KAZN: variants seen among roughly 807,000 people sequenced by gnomAD.
KAZN encodes kazrin.
KAZN carries 40 observed loss-of-function variants against 87.4 expected under a neutral mutation model. That is an observed-to-expected ratio of 0.46 (90% CI 0.36 to 0.60). The LOEUF (loss-of-function observed/expected upper bound fraction) is 0.60. KAZN is among the 20% of genes least tolerant of loss of function. The pLI is 0.00. For synonymous variants in KAZN, 466 were observed against 458.3 expected (o/e 1.02, Z -0.22); for missense variants, 898 against 1,073.9 (o/e 0.84, Z 2.29).
intron 1 of KAZN, among the ~76,000 whole-genome samples, chr1:14,873,772 G>T (rs1251164954): frequency 6.6e-6 from 1 of 152,200 alleles, no homozygotes; most frequent in Non-Finnish European, 1.5e-5. Flanking sequence ...CAATCATCTA[G>T]GCATGAGTTT....
chr1:14,782,547 CAA>C (rs1276002192), intron 1 of KAZN, among the ~76,000 whole-genome samples: 5 of 64,608 alleles, frequency 7.7e-5, no homozygotes, highest in Non-Finnish European at 1.4e-4. Context: ...GACTCCACCT[CAA>C]AGAGCAAAAA....
intron 1 of KAZN, among the ~76,000 whole-genome samples, chr1:14,799,032 C>T (rs1645923401): frequency 6.6e-6 from 1 of 152,238 alleles, no homozygotes; most frequent in African/African-American, 2.4e-5. Flanking sequence ...CTGCCTCAGC[C>T]TCCCAAAGTG....
At chr1:14,078,697 G>GTTTTTTTTTTTTTTTTTTTTTTTTT (rs1473978985) in intron 1 of KAZN, among the ~76,000 whole-genome samples, 1 of 151,900 alleles carries the variant, frequency 6.6e-6, no homozygotes, top group Non-Finnish European at 1.5e-5. Flanking sequence ...CTTTTTTGTT[G>GTTTTTTTTTTTTTTTTTTTTTTTTT]TTTTTTTGAG....
At chr1:14,043,160 G>A (rs752467109) in intron 1 of KAZN, among the ~76,000 whole-genome samples, 10 of 152,198 alleles carry the variant, frequency 6.6e-5, no homozygotes, top group Admixed American at 2.0e-4. Context: ...ATGTGGAATC[G>A]TACTATATCT....
intron 1 of KAZN, among the ~76,000 whole-genome samples, chr1:14,861,609 C>G (rs1028339208): frequency 6.6e-6 from 1 of 152,148 alleles, no homozygotes; most frequent in Admixed American, 6.5e-5. Context: ...GGAATTACCC[C>G]TCCCCACCCT....
chr1:14,068,325 A>G (rs769342934), intron 1 of KAZN, among the ~76,000 whole-genome samples: 30 of 152,204 alleles, frequency 2.0e-4, no homozygotes, highest in Non-Finnish European at 1.5e-4. Context: ...TTTAAATGTT[A>G]TTGATGCTTG....
At chr1:13,915,661 C>A (rs1639825049) in intron 1 of KAZN, among the ~76,000 whole-genome samples, 2 of 152,196 alleles carry the variant, frequency 1.3e-5, no homozygotes, top group South Asian at 4.1e-4. Flanking sequence ...ATCTGGTGAC[C>A]ATTCCAGATG....
chr1:14,843,321 G>A (rs1344329560), intron 1 of KAZN, among the ~76,000 whole-genome samples: 3 of 152,176 alleles, frequency 2.0e-5, no homozygotes, highest in Admixed American at 2.0e-4. Context: ...CTGGATGGGT[G>A]GTAGGAGAAG....
chr1:15,111,271 T>TTGTTGTTG (rs55891519), intron 13 of KAZN, among the ~76,000 whole-genome samples: 33,689 of 147,430 alleles, frequency 0.23, 4,070 homozygotes, highest in Admixed American at 0.32. Flanking sequence ...GTTGTTGTTG[T>TTGTTGTTG]TTGTTGTTGT....
intron 1 of KAZN, among the ~76,000 whole-genome samples, chr1:14,075,723 C>A (rs1643426734): frequency 6.6e-6 from 1 of 152,160 alleles, no homozygotes; most frequent in Non-Finnish European, 1.5e-5. Flanking sequence ...AGACAGTCTG[C>A]ACCAGGGAGA....
rs74058883 is a variant in KAZN at position 14,773,304 on chromosome 1, C to T, written c.226+174081C>T. Among the ~76,000 whole-genome samples the T allele has an allele frequency of 0.042, 6,377 of 152,098 alleles. 391 individuals are homozygous for T. The highest frequency in any genetic ancestry group is 0.13 in the African/African-American group (5,542 of 41,472). Reference sequence around the variant, plus strand: ...ACTGTGGCACACAGTGGTGGCCTGGCGTATGAGAAGACCACCCCCCACCCA... The same window carrying T: ...ACTGTGGCACACAGTGGTGGCCTGGTGTATGAGAAGACCACCCCCCACCCA... On this transcript the variant is annotated intron_variant, in intron 1 of 14. Coordinates refer to ENST00000376030, the MANE Select transcript of KAZN (RefSeq NM_201628.3). This position sits in a 1 kb window ranked among gnomAD's most constrained non-coding sequence, Gnocchi z 5.9.
intron 1 of KAZN, among the ~76,000 whole-genome samples, chr1:14,789,116 TC>T (rs1177576164): frequency 1.3e-5 from 2 of 152,176 alleles, no homozygotes; most frequent in African/African-American, 4.8e-5. Context: ...ATTCGTTCAT[TC>T]CCTCATTTGA....
chr1:13,936,850 T>C (rs1490704141), intron 1 of KAZN, among the ~76,000 whole-genome samples: 1 of 152,164 alleles, frequency 6.6e-6, no homozygotes, highest in Non-Finnish European at 1.5e-5. Flanking sequence ...GCAATTTCTT[T>C]TCCTTTGGGT....
intron 2 of KAZN, among the ~76,000 whole-genome samples, chr1:14,548,466 T>TCCAAAAA (rs1673310462): frequency 6.6e-6 from 1 of 152,184 alleles, no homozygotes; most frequent in Non-Finnish European, 1.5e-5. Context: ...CCAAAAGTGC[T>TCCAAAAA]GCGATTACAG....
intron 2 of KAZN, among the ~76,000 whole-genome samples, chr1:14,365,651 C>T (rs896902352): frequency 2.1e-4 from 32 of 152,064 alleles, no homozygotes; most frequent in Non-Finnish European, 4.0e-4. Context: ...TAGCAGCGTC[C>T]CCAGCCTCTA....
intron 2 of KAZN, among the ~76,000 whole-genome samples, chr1:14,989,706 T>C (rs1398219747): frequency 6.6e-6 from 1 of 152,110 alleles, no homozygotes; most frequent in Non-Finnish European, 1.5e-5. Context: ...TGGGATTGAC[T>C]AAGATCATAT....
chr1:14,917,848 T>TCC (rs1381517780), intron 1 of KAZN, among the ~76,000 whole-genome samples: 284 of 120,094 alleles, frequency 2.4e-3, no homozygotes, highest in Non-Finnish European at 3.5e-3. Flanking sequence ...ACTTCTTTCT[T>TCC]TCTTCCTTCC....
Position 14,251,837 on chromosome 1 carries a change from C to T in KAZN, c.249+71245C>T, listed in dbSNP as rs189151262. On this transcript the variant is annotated intron_variant, in intron 2 of 16. Coordinates refer to the KAZN transcript ENST00000636203. ...CTAATTTTTGTATTTTTTGTAGAGA[C>T]GGGGTCTCACTATGTTGCCCAGGCT... 5.3e-5 allele frequency among the ~76,000 whole-genome samples: 8 copies of T among 151,742 alleles called. No individual in the cohort carries two copies. The East Asian group carries it at 7.8e-4, about 15-fold the overall frequency.
intron 1 of KAZN, among the ~76,000 whole-genome samples, chr1:14,728,114 C>T (rs1245760900): frequency 2.0e-5 from 3 of 151,328 alleles, no homozygotes; most frequent in Non-Finnish European, 4.4e-5. Flanking sequence ...GGTGAAACCT[C>T]GTCTCTACTA....
Sources: allele counts gnomAD v4.1 joint callset (sites outside exome capture counted in the v4.1 genomes callset), GRCh38; gene constraint gnomAD v4.1.1; non-coding constraint Gnocchi (gnomAD v3.1); transcripts MANE v1.5; gene names NCBI Gene and HGNC (gene_info 2026-07-23, HGNC 2026-07-21).